KAT6A: variants seen among roughly 807,000 people sequenced by gnomAD.
The protein encoded by KAT6A is histone acetyltransferase KAT6A.
In KAT6A, 9 loss-of-function variants were observed where a neutral mutation model predicts 198.4. That is an observed-to-expected ratio of 0.05 (90% CI 0.03 to 0.08). KAT6A has a LOEUF of 0.08. Among genes scored for constraint, KAT6A ranks in the 10% least tolerant of loss-of-function variants. The probability of loss-of-function intolerance (pLI) is 1.00; values close to 1 mark genes in which losing one functional copy is unlikely to be tolerated. For missense variants in KAT6A, 2,077 were observed against 2,509.9 expected, an observed-to-expected ratio of 0.83 and a Z score of 3.69; for synonymous variants, 890 against 883.0, an observed-to-expected ratio of 1.01 and a Z score of -0.14.
intron 2 of KAT6A, among the ~76,000 whole-genome samples, chr8:41,999,776 A>G (rs1167238147): frequency 6.6e-6 from 1 of 152,236 alleles, no homozygotes; most frequent in Non-Finnish European, 1.5e-5. Flanking sequence ...GAATCACCTC[A>G]GCAGCACTTA....
At chr8:42,006,271 GGT>G (rs1287978598) in intron 2 of KAT6A, among the ~76,000 whole-genome samples, 2 of 152,112 alleles carry the variant, frequency 1.3e-5, no homozygotes, top group African/African-American at 4.8e-5. Context: ...TGTGTGTGCA[GGT>G]GCACATGTGT....
chr8:41,930,682 A>G lies in KAT6A; in HGVS notation c.*1523T>C, dbSNP rs58487859. The G allele has an allele frequency of 0.016, 1,463 of 91,808 alleles. 74 individuals are homozygous for G. The highest frequency in any genetic ancestry group is 0.055 in the African/African-American group (1,031 of 18,770). 5.7% of individuals were successfully genotyped at this position (91,808 alleles called of 1,614,324 possible). A position where few individuals can be genotyped will look rare whatever the true frequency, so the allele number is the denominator to read the frequency against. ...AATGATGGAATATATATATATATAT[A>G]TGTGTGTGTGTGTGTGTGTGTGTGT... On this transcript the variant is annotated 3_prime_UTR_variant, in exon 17 of 17. Transcript: ENST00000265713.
At chr8:42,023,915 G>T (rs1027783961) in intron 2 of KAT6A, among the ~76,000 whole-genome samples, 5 of 152,014 alleles carry the variant, frequency 3.3e-5, no homozygotes, top group African/African-American at 1.2e-4. Context: ...ACAGGGTCAG[G>T]ATCATCAATA....
At chr8:41,974,947 G>C (rs1823974970) in intron 7 of KAT6A, 125 bp from the exon 8 acceptor site, 1 of 522,764 alleles carries the variant, frequency 1.9e-6, no homozygotes. Flanking sequence ...GCATTAAACT[G>C]ACTCTTAGAA....
At chr8:41,994,490 A>G (rs1587798814) in intron 2 of KAT6A, among the ~76,000 whole-genome samples, 1 of 151,670 alleles carries the variant, frequency 6.6e-6, no homozygotes, top group African/African-American at 2.4e-5. Flanking sequence ...CTTTCCTTCT[A>G]TATCTAGAAT....
chr8:42,017,407 T>C lies in KAT6A; in HGVS notation c.601-29844A>G, dbSNP rs1055463552. Among the ~76,000 whole-genome samples the C allele has an allele frequency of 7.2e-5, 11 of 152,252 alleles. No individual in the cohort carries two copies. In the South Asian group the frequency reaches 1.7e-3, roughly 23 times the overall value. On this transcript the variant is annotated intron_variant, in intron 2 of 16. Transcript: ENST00000265713. ...TCATAATACAGGGAGAAAAACGTCA[T>C]AGTATCAGTATGCCTAATGGACCAT... is the stretch of plus-strand genomic sequence containing the variant.
intron 2 of KAT6A, among the ~76,000 whole-genome samples, chr8:42,013,044 G>A (rs1826093965): frequency 6.6e-6 from 1 of 151,790 alleles, no homozygotes; most frequent in Non-Finnish European, 1.5e-5. Flanking sequence ...CCAGGGTTGG[G>A]GGAGGGTGAT....
At position 41,942,993 on chromosome 8, in the gene KAT6A, T is replaced by A. The variant is rs1208738551; in HGVS notation, c.2236A>T (p.Ile746Phe). 6.2e-7 allele frequency: 1 copy of A among 1,614,026 alleles called. No individual in the cohort carries two copies. Among genetic ancestry groups the A allele is most frequent in the African/African-American group, 1.3e-5 (1 of 75,038 alleles). The change falls in exon 14 of 17, where the codon ATT becomes TTT. Residue 746 changes from isoleucine (I) to phenylalanine (F), a missense_variant. By Grantham distance (21) the Ile-to-Phe change is conservative. Around this residue, in one of 13 missense-constraint regions of KAT6A, gnomAD observed 127 missense variants for 209.6 expected, o/e 0.61. Transcript: ENST00000265713. ...TGGATAAGTTTTTCCCGGCGGATAA[T>A]CACAAATCTGGAACCAGAGAAAAGT... ...MLDFRSDQFV[I>F]IRREKLIQDH...
In KAT6A at chr8:41,934,156, T is replaced by G. The variant is rs1271764503; in HGVS notation, c.4064A>C (p.Asn1355Thr). The G allele has an allele frequency of 1.2e-6, 2 of 1,614,190 alleles. No individual in the cohort carries two copies. Among genetic ancestry groups the G allele is most frequent in the Non-Finnish European group, 1.7e-6 (2 of 1,180,028 alleles). Residue 1355 changes from asparagine to threonine, a missense_variant, in exon 17 of 17, where the codon AAT becomes ACT. This residue lies in a region of KAT6A where 375 missense variants were observed against 383.0 expected (regional missense o/e 0.98). Coordinates refer to ENST00000265713, the MANE Select transcript of KAT6A (RefSeq NM_006766.5). ...TATCTTTTCCCTACTCTTCTGCATA[T>G]TAGCATCTAAAAAAGACTCTTGAAC... ...PGVQESFLDA[N>T]MQKSREKIKD...
In KAT6A at chr8:41,932,643, G is replaced by C; in HGVS notation, c.5577C>G (p.Ser1859=). 1 of 1,614,200 alleles carries C rather than the reference G, an allele frequency of 6.2e-7. No individual in the cohort carries two copies. The highest frequency in any genetic ancestry group is 8.5e-7 in the Non-Finnish European group (1 of 1,180,008). The change falls in exon 17 of 17, where the codon TCC becomes TCG. Residue 1859 remains serine (S), a synonymous_variant. Transcript: ENST00000265713. ...MPVKGHISIR[S]KSAPLPSAAA... is the part of the protein sequence containing the mutation. Reference sequence around the variant, plus strand: ...CCGCAGAGGGCAGTGGCGCAGACTTGGAGCGGATGGAAATGTGCCCCTTCA... The same window carrying C: ...CCGCAGAGGGCAGTGGCGCAGACTTCGAGCGGATGGAAATGTGCCCCTTCA...
chr8:42,000,842 G>GA (rs1248866618), intron 2 of KAT6A, among the ~76,000 whole-genome samples: 1 of 151,864 alleles, frequency 6.6e-6, no homozygotes, highest in Non-Finnish European at 1.5e-5. Context: ...GTTAAACAAA[G>GA]AAAAAAAATC....
At chr8:41,952,658 G>A (rs912040930) in intron 9 of KAT6A, among the ~76,000 whole-genome samples, 3 of 151,980 alleles carry the variant, frequency 2.0e-5, no homozygotes, top group East Asian at 1.9e-4. Context: ...GTTTTTGTAC[G>A]TTACAGTGTT....
chr8:41,933,457 G>A lies in KAT6A; in HGVS notation c.4763C>T (p.Ser1588Phe), dbSNP rs2150855842. Reference sequence around the variant, plus strand: ...GCTGGAGGACGACAGCCCACCGTAGGAGCAGCTGCTCTGGGAAGAGCTGTT... The same window carrying A: ...GCTGGAGGACGACAGCCCACCGTAGAAGCAGCTGCTCTGGGAAGAGCTGTT... ...CGNSSSQSSC[S>F]YGGLSSSSSL... Residue 1588 changes from serine to phenylalanine, a missense_variant, in exon 17 of 17, where the codon TCC becomes TTC. Around this residue, in one of 13 missense-constraint regions of KAT6A, gnomAD observed 500 missense variants for 577.2 expected, o/e 0.87. Transcript: ENST00000265713. This position sits in a 1 kb window ranked among gnomAD's most constrained non-coding sequence, Gnocchi z 6.2. The A allele has an allele frequency of 6.2e-7, 1 of 1,612,968 alleles. No individual in the cohort carries two copies. Among genetic ancestry groups the A allele is most frequent in the South Asian group, 1.1e-5 (1 of 91,018 alleles).
At chr8:41,952,364 G>A (rs769203586) in intron 9 of KAT6A, among the ~76,000 whole-genome samples, 6 of 152,170 alleles carry the variant, frequency 3.9e-5, no homozygotes, top group Non-Finnish European at 7.4e-5. Context: ...AAGCAGCACA[G>A]GAGCAGAGGG....
chr8:41,943,750 G>A lies in KAT6A; in HGVS notation c.2226C>T (p.Asp742=), dbSNP rs143212958. 101 of 1,606,808 alleles carry A rather than the reference G, an allele frequency of 6.3e-5. No homozygotes were observed. In the African/African-American group the frequency reaches 1.3e-3, roughly 20 times the overall value. Residue 742 remains aspartate (D), a splice_region_variant and synonymous_variant, in exon 13 of 17, where the codon GAC becomes GAT. Transcript: ENST00000265713. ...HHLRMLDFRS[D]QFVIIRREKL... ...ATACAAAAAGATGTGATACTCACTG[G>A]TCACTACGGAAGTCCAGCATTCGTA...
At chr8:41,946,725 TA>T (rs768954500) in intron 11 of KAT6A, 41 bp from the exon 12 acceptor site, 307 of 1,108,078 alleles carry the variant, frequency 2.8e-4, no homozygotes, top group Middle Eastern at 9.8e-4. Context: ...AACAGGCTGG[TA>T]AAAGTGAATA....
At chr8:41,942,396 T>C (rs1016899321) in intron 14 of KAT6A, 1 of 259,516 alleles carries the variant, frequency 3.9e-6, no homozygotes, top group Non-Finnish European at 7.5e-6. Flanking sequence ...TCCTCCCGCC[T>C]GGGCCTCCTA....
At chr8:42,000,252 T>C (rs934678305) in intron 2 of KAT6A, among the ~76,000 whole-genome samples, 2 of 152,176 alleles carry the variant, frequency 1.3e-5, no homozygotes, top group Admixed American at 1.3e-4. Flanking sequence ...TGCTAAAATA[T>C]ATACAGAAGT....
Position 41,934,787 on chromosome 8 carries a change from G to T in KAT6A, c.3433C>A (p.Pro1145Thr), listed in dbSNP as rs1407897020. The T allele has an allele frequency of 1.2e-6, 2 of 1,613,942 alleles. No individual in the cohort carries two copies. The change falls in exon 17 of 17, where the codon CCT (proline) becomes ACT (threonine). Residue 1145 changes from proline (P) to threonine (T), a missense_variant. Around this residue, in one of 13 missense-constraint regions of KAT6A, gnomAD observed 375 missense variants for 383.0 expected, o/e 0.98. Transcript: ENST00000265713. ...NSPLEPDTST[P>T]LKKKKGWPKG... ...GGCCATCCCTTTTTCTTTTTCAAAG[G>T]TGTGGATGTATCTGGCTCAAGAGGA... is the stretch of plus-strand genomic sequence containing the variant.
Sources: allele counts gnomAD v4.1 joint callset (sites outside exome capture counted in the v4.1 genomes callset), GRCh38; gene constraint gnomAD v4.1.1; regional missense constraint gnomAD v4.1.1; non-coding constraint Gnocchi (gnomAD v3.1); transcripts MANE v1.5; gene names NCBI Gene and HGNC (gene_info 2026-07-23, HGNC 2026-07-21).